Variants in SOX6 observed in about 807,000 individuals in gnomAD.
SOX6 encodes SRY-box transcription factor 6.
A neutral mutation model predicts 97.8 loss-of-function variants in SOX6; 11 were observed. The ratio of observed to expected loss-of-function variants is 0.11; its 90% CI spans 0.07 to 0.19. The LOEUF (loss-of-function observed/expected upper bound fraction) is 0.19. Ranked by LOEUF, SOX6 falls within the 10% of genes least tolerant of loss-of-function variation. SOX6 has a pLI of 1.00. For synonymous variants in SOX6, 360 were observed against 371.4 expected (o/e 0.97, Z 0.35); for missense variants, 810 against 1,039.5 (o/e 0.78, Z 3.04).
At chr11:16,387,312 T>C (rs1858018299) in intron 1 of SOX6, among the ~76,000 whole-genome samples, 1 of 152,178 alleles carries the variant, frequency 6.6e-6, no homozygotes. Flanking sequence ...GATATTGCAT[T>C]GTGGCATTGA....
intron 6 of SOX6, among the ~76,000 whole-genome samples, chr11:16,157,087 T>C (rs1850623318): frequency 6.6e-6 from 1 of 152,014 alleles, no homozygotes; most frequent in Non-Finnish European, 1.5e-5. Flanking sequence ...TGTCAACCAA[T>C]GCAGAAATGT....
At chr11:16,624,020 T>A (rs1848585897) in intron 3 of SOX6, among the ~76,000 whole-genome samples, 2 of 152,204 alleles carry the variant, frequency 1.3e-5, no homozygotes, top group Admixed American at 1.3e-4. Flanking sequence ...TCATTGTGAT[T>A]GCTATCACAG....
At chr11:16,061,194 C>G (rs1847942375) in intron 9 of SOX6, among the ~76,000 whole-genome samples, 1 of 151,222 alleles carries the variant, frequency 6.6e-6, no homozygotes, top group Non-Finnish European at 1.5e-5. Context: ...TTTGACTAGA[C>G]AGCTGCTCAG....
intron 4 of SOX6, among the ~76,000 whole-genome samples, chr11:16,213,793 C>A (rs143369155): frequency 6.6e-6 from 1 of 152,162 alleles, no homozygotes; most frequent in African/African-American, 2.4e-5. Context: ...ATTATGAACA[C>A]CAATTTCAAA....
intron 3 of SOX6, among the ~76,000 whole-genome samples, chr11:16,287,661 A>G (rs968563712): frequency 3.3e-5 from 5 of 152,018 alleles, no homozygotes; most frequent in African/African-American, 1.2e-4. Context: ...CCTTCCTTAC[A>G]CTCAAAATTT....
At position 16,610,836 on chromosome 11, in the gene SOX6, C is replaced by G. The variant is rs1848388193; in HGVS notation, n.609+1245G>C. 6.6e-6 allele frequency among the ~76,000 whole-genome samples: 1 copy of G among 152,154 alleles called. No homozygotes were observed. The highest frequency in any genetic ancestry group is 1.5e-5 in the Non-Finnish European group (1 of 68,022). ...GCCTGCTAAAGTAAAGTGCTGGGCT[C>G]TCCACCTACCTGGTGCGCACCGGCC... On this transcript the variant is annotated intron_variant and non_coding_transcript_variant, in intron 4 of 5. Coordinates refer to the SOX6 transcript ENST00000524520. The surrounding 1 kb of genome is among the most constrained non-coding windows in gnomAD (Gnocchi z 4.4).
chr11:16,544,135 T>C (rs1032281896), intron 4 of SOX6, among the ~76,000 whole-genome samples: 2 of 152,210 alleles, frequency 1.3e-5, no homozygotes, highest in Admixed American at 6.5e-5. Context: ...TATTGCATGA[T>C]TCCATTTATA....
At chr11:16,172,909 T>C (rs930224488) in intron 6 of SOX6, among the ~76,000 whole-genome samples, 1 of 151,916 alleles carries the variant, frequency 6.6e-6, no homozygotes, top group Non-Finnish European at 1.5e-5. Flanking sequence ...CTATTTCGTC[T>C]CCAAGTTGGG....
intron 4 of SOX6, among the ~76,000 whole-genome samples, chr11:16,536,334 T>C (rs1419869662): frequency 6.6e-6 from 1 of 152,168 alleles, no homozygotes; most frequent in Non-Finnish European, 1.5e-5. Context: ...TCAAGGTCGC[T>C]TCCAAGATGG....
chr11:16,067,608 T>C (rs989928666), intron 9 of SOX6, among the ~76,000 whole-genome samples: 2 of 152,202 alleles, frequency 1.3e-5, no homozygotes, highest in African/African-American at 4.8e-5. Flanking sequence ...AGCATGAGGA[T>C]GGACTAATGC....
At chr11:16,274,704 A>G (rs1854346520) in intron 3 of SOX6, among the ~76,000 whole-genome samples, 3 of 152,204 alleles carry the variant, frequency 2.0e-5, no homozygotes, top group African/African-American at 7.2e-5. Flanking sequence ...CTGCCCAAAA[A>G]TGAAGTTATT....
intron 4 of SOX6, among the ~76,000 whole-genome samples, chr11:16,561,324 A>C (rs2133192032): frequency 6.6e-6 from 1 of 152,168 alleles, no homozygotes; most frequent in Non-Finnish European, 1.5e-5. Context: ...GCTCCTGTGA[A>C]TGACCACAGC....
intron 4 of SOX6, among the ~76,000 whole-genome samples, chr11:16,564,558 T>A (rs928758163): frequency 1.3e-5 from 2 of 152,006 alleles, no homozygotes; most frequent in African/African-American, 4.8e-5. Flanking sequence ...GACAACAAAC[T>A]AGGCCATAAA....
At chr11:16,054,015 CAT>C (rs1400324372) in intron 10 of SOX6, among the ~76,000 whole-genome samples, 1 of 152,046 alleles carries the variant, frequency 6.6e-6, no homozygotes, top group Non-Finnish European at 1.5e-5. Flanking sequence ...TTGTTATTAA[CAT>C]AGAATATGGT....
At chr11:16,507,079 A>AATG (rs1237393345) in intron 4 of SOX6, among the ~76,000 whole-genome samples, 50 of 152,162 alleles carry the variant, frequency 3.3e-4, no homozygotes, top group African/African-American at 1.1e-3. Context: ...TAATAATAAT[A>AATG]ATAAATACAA....
intron 4 of SOX6, among the ~76,000 whole-genome samples, chr11:16,500,400 C>A (rs1350533631): frequency 6.6e-6 from 1 of 152,172 alleles, no homozygotes; most frequent in East Asian, 1.9e-4. Context: ...AAAACTGGCA[C>A]AAGACAGGGA....
chr11:16,238,416 G>T (rs568084948), intron 3 of SOX6, among the ~76,000 whole-genome samples: 1 of 152,152 alleles, frequency 6.6e-6, no homozygotes, highest in South Asian at 2.1e-4. Context: ...GGCCAGGTAA[G>T]TCAAGAATGC....
chr11:16,351,384 A>T (rs1215002781), intron 1 of SOX6, among the ~76,000 whole-genome samples: 1 of 152,094 alleles, frequency 6.6e-6, no homozygotes, highest in East Asian at 1.9e-4. Context: ...TAATCACCTT[A>T]GCACAGGGCT....
rs1006031531 is a variant in SOX6 at position 16,344,446 on chromosome 11, T to C, written c.-4-3194A>G. Among the ~76,000 whole-genome samples the C allele has an allele frequency of 3.3e-5, 5 of 152,088 alleles. No individual in the cohort carries two copies. The East Asian group carries it at 9.6e-4, about 29-fold the overall frequency. On this transcript the variant is annotated intron_variant, in intron 1 of 15. Transcript: ENST00000683767. ...TTTAGCTTTCCCCTTTAAAACATTT[T>C]ACTCAACCAACCAAACTGTATTCTA...
Sources: gnomAD v4.1 joint callset for allele counts (sites outside exome capture counted in the v4.1 genomes callset) on GRCh38, gnomAD v4.1.1 for gene constraint, Gnocchi (gnomAD v3.1) non-coding constraint, MANE v1.5 for transcripts, NCBI Gene and HGNC (gene_info 2026-07-23, HGNC 2026-07-21) for gene names.